The following LRRC66 variants were observed in gnomAD, a reference collection of about 807,000 sequenced individuals.
LRRC66 encodes leucine-rich repeat-containing protein 66.
LRRC66 carries 29 observed loss-of-function variants against 24.6 expected under a neutral mutation model. That is an observed-to-expected ratio of 1.18 (90% CI 0.88 to 1.61). The LOEUF (loss-of-function observed/expected upper bound fraction) is 1.61. Ranked by LOEUF, LRRC66 falls within the 40% of genes most tolerant of loss-of-function variation. The pLI is 0.00. For synonymous variants in LRRC66, 411 were observed against 397.6 expected (o/e 1.03, Z -0.40); for missense variants, 1,124 against 1,058.0 (o/e 1.06, Z -0.87).
intron 3 of LRRC66, among the ~76,000 whole-genome samples, chr4:51,999,592 T>C (rs1736402908): frequency 6.6e-6 from 1 of 152,214 alleles, no homozygotes; most frequent in Admixed American, 6.5e-5. Context: ...TCTAATGTTT[T>C]TTAGGTAATT....
At chr4:51,996,322 C>T (rs1429220455) in intron 4 of LRRC66, among the ~76,000 whole-genome samples, 157 bp from the exon 5 acceptor site, 2 of 152,156 alleles carry the variant, frequency 1.3e-5, no homozygotes, top group Admixed American at 1.3e-4. Context: ...TCATAACTCA[C>T]TGAAGCCTCA....
chr4:52,009,968 T>C (rs1332935909), intron 2 of LRRC66, among the ~76,000 whole-genome samples: 2 of 152,074 alleles, frequency 1.3e-5, no homozygotes, highest in African/African-American at 4.8e-5. Context: ...ATCCAAAATA[T>C]ATAAAAAAGA....
In LRRC66 at chr4:51,997,821, A is replaced by G; in HGVS notation, c.783T>C (p.Ser261=). The G allele has an allele frequency of 6.2e-7, 1 of 1,614,104 alleles. No individual in the cohort carries two copies. Residue 261 remains serine (S), a synonymous_variant, in exon 4 of 5, where the codon AGT becomes AGC. Transcript: ENST00000682860. ...LADNNWQCDD[S]VAVFQNFISE... ...AAATAAAATTTTGAAAGACTGCCAC[A>G]CTATCATCACACTGCCAGTTATTAT...
intron 1 of LRRC66, chr4:52,018,469 G>T: frequency 1.2e-5 from 12 of 985,338 alleles, no homozygotes; most frequent in Non-Finnish European, 1.4e-5. Flanking sequence ...GAGTATATGA[G>T]TTTCCAAGAA....
chr4:51,995,238 G>A lies in LRRC66; in HGVS notation c.1784C>T (p.Ala595Val). The A allele has an allele frequency of 1.9e-6, 3 of 1,614,190 alleles. No individual in the cohort carries two copies. Among genetic ancestry groups the A allele is most frequent in the South Asian group, 1.1e-5 (1 of 91,084 alleles). ...ACTATCTCCAGTCCTCTGTGCTTCT[G>A]CATGTGTTAGCATTTTACAGAGGGA... ...TASLCKMLTH[A>V]EAQRTGDSKE... Residue 595 changes from alanine (A) to valine (V), a missense_variant, in exon 5 of 5, where the codon GCA becomes GTA. Ala to Val is a moderately conservative substitution (Grantham distance 64, BLOSUM62 0). Coordinates refer to ENST00000682860, the MANE Select transcript of LRRC66 (RefSeq NM_001024611.3).
rs1469695662 is a variant in LRRC66 at position 52,017,434 on chromosome 4, C to A, written c.180G>T (p.Gln60His). The A allele has an allele frequency of 1.9e-6, 3 of 1,614,054 alleles. No homozygotes were observed. Reference sequence around the variant, plus strand: ...AACTTACATCCACAGTGGCTGCTGTCTGTGATATGTCCACAGGTATATCAC... The same window carrying A: ...AACTTACATCCACAGTGGCTGCTGTATGTGATATGTCCACAGGTATATCAC... ...GKCDIPVDIS[Q>H]TAATVDVSFN... is the part of the protein sequence containing the mutation. The change falls in exon 2 of 5, where the codon CAG becomes CAT. Residue 60 changes from glutamine (Q) to histidine (H), a missense_variant. Gln to His is a conservative substitution (Grantham distance 24, BLOSUM62 0). Transcript: ENST00000682860.
At position 51,995,459 on chromosome 4, in the gene LRRC66, C is replaced by T. The variant is rs201329659; in HGVS notation, c.1563G>A (p.Met521Ile). 5.2e-5 allele frequency: 84 copies of T among 1,614,056 alleles called. No individual in the cohort carries two copies. The highest frequency in any genetic ancestry group is 1.7e-4 in the Admixed American group (10 of 60,000). Residue 521 changes from methionine to isoleucine, a missense_variant, in exon 5 of 5, where the codon ATG becomes ATA. Transcript: ENST00000682860. The part of the protein sequence containing the change: ...RHPHAGNREL[M>I]SAAQDHIHRN... The stretch of plus-strand genomic sequence containing the variant: ...TATGGATGTGGTCCTGCGCTGCTGA[C>T]ATTAGTTCACGGTTACCGGCATGTG...
At chr4:52,018,651 T>C (rs1212939328) in intron 1 of LRRC66, 2 of 944,384 alleles carry the variant, frequency 2.1e-6, no homozygotes, top group Admixed American at 1.2e-4. Flanking sequence ...GTATTTCCTA[T>C]ATTATTCCTT....
chr4:51,995,033 G>A lies in LRRC66; in HGVS notation c.1989C>T (p.Asp663=). The part of the protein sequence containing the change: ...YSEVPYGDPR[D]TGPSVFPPRW... ...TTGGAGGAAAGACTGATGGGCCTGT[G>A]TCTCTTGGGTCACCGTATGGAACCT... The change falls in exon 5 of 5, where the codon GAC becomes GAT. Residue 663 remains aspartate (D), a synonymous_variant. Transcript: ENST00000682860. The A allele has an allele frequency of 1.2e-6, 2 of 1,614,124 alleles. No individual in the cohort carries two copies. The highest frequency in any genetic ancestry group is 1.7e-6 in the Non-Finnish European group (2 of 1,180,032).
chr4:52,017,391 G>C lies in LRRC66; in HGVS notation c.223C>G (p.Leu75Val). ...VDVSFNFFRV[L>V]LQSHTKKEEW... ...TCTTTTTTCGTGTGAGACTGTAAGA[G>C]AACTCTAAAGAAATTGAAACTTACA... is the stretch of plus-strand genomic sequence containing the variant. Residue 75 changes from leucine (L) to valine (V), a missense_variant, in exon 2 of 5, where the codon CTC (leucine) becomes GTC (valine). Coordinates refer to ENST00000682860, the MANE Select transcript of LRRC66 (RefSeq NM_001024611.3). 6.2e-7 allele frequency: 1 copy of C among 1,614,112 alleles called. No homozygotes were observed.
chr4:52,007,585 G>A (rs1445734447), intron 2 of LRRC66, among the ~76,000 whole-genome samples: 7 of 152,182 alleles, frequency 4.6e-5, no homozygotes, highest in Admixed American at 4.6e-4. Context: ...ATTGAGATAT[G>A]TCTTTGATTA....
In LRRC66 at chr4:52,013,046, C is replaced by T. The variant is rs1052085380; in HGVS notation, c.496+4072G>A. ...CTAGAATGGTCCTGGGTAAGATATT[C>T]GATTCATTAGGTCAGATCTTATTGT... On this transcript the variant is annotated intron_variant, in intron 2 of 4. Transcript: ENST00000682860. Among the ~76,000 whole-genome samples the T allele has an allele frequency of 2.9e-4, 44 of 152,104 alleles. 1 individual carries two copies. Among genetic ancestry groups the T allele is most frequent in the African/African-American group, 1.0e-3 (42 of 41,420 alleles).
intron 3 of LRRC66, 124 bp downstream of exon 3, chr4:52,003,099 C>CTAA: frequency 1.4e-6 from 1 of 728,590 alleles, no homozygotes; most frequent in Non-Finnish European, 2.2e-6. Flanking sequence ...TTAAAATAGA[C>CTAA]TAACAGTTTT....
At chr4:52,001,629 A>G (rs1736449127) in intron 3 of LRRC66, among the ~76,000 whole-genome samples, 1 of 152,232 alleles carries the variant, frequency 6.6e-6, no homozygotes. Flanking sequence ...ATTTTTCAGA[A>G]GAGAAAAGTG....
Position 51,995,152 on chromosome 4 carries a change from T to C in LRRC66, c.1870A>G (p.Arg624Gly). The C allele has an allele frequency of 1.2e-6, 2 of 1,614,222 alleles. No homozygotes were observed. The highest frequency in any genetic ancestry group is 2.2e-5 in the South Asian group (2 of 91,084). The change falls in exon 5 of 5, where the codon AGG (arginine) becomes GGG (glycine). Residue 624 changes from arginine to glycine, a missense_variant. By Grantham distance (125) the Arg-to-Gly change is moderately radical. Coordinates refer to ENST00000682860, the MANE Select transcript of LRRC66 (RefSeq NM_001024611.3). ...AAATCAATGGATGAACTCACTTGCCTTTCCTTAGAAAATTCCATCTGCGAG... is the reference window on the plus strand; with the variant it reads ...AAATCAATGGATGAACTCACTTGCCCTTCCTTAGAAAATTCCATCTGCGAG... The part of the protein sequence containing the change: ...WDSQMEFSKE[R>G]QVSSSIDLLS...
intron 2 of LRRC66, among the ~76,000 whole-genome samples, chr4:52,013,513 T>C (rs1443076011): frequency 3.3e-5 from 5 of 152,234 alleles, no homozygotes; most frequent in Non-Finnish European, 2.9e-5. Flanking sequence ...TCCCATTGTT[T>C]TCATGTTTTT....
chr4:51,999,218 T>A (rs1002002620), intron 3 of LRRC66, among the ~76,000 whole-genome samples: 3 of 152,142 alleles, frequency 2.0e-5, no homozygotes, highest in African/African-American at 7.2e-5. Context: ...AAAAAGAGGA[T>A]GATGAATATA....
intron 1 of LRRC66, chr4:52,018,412 C>A (rs544638249): frequency 2.0e-6 from 2 of 985,170 alleles, no homozygotes; most frequent in East Asian, 1.1e-4. Flanking sequence ...TTGTTTTAAA[C>A]TAAATTCCAC....
At position 51,994,297 on chromosome 4, in the gene LRRC66, T is replaced by G. The variant is rs1736234319; in HGVS notation, c.*82A>C. ...CATGTTGTCTCCTTCAGGATCTTGT[T>G]GTGAAGGCTTTAGTTTTCCCCTGCC... On this transcript the variant is annotated 3_prime_UTR_variant, in exon 5 of 5. Transcript: ENST00000682860. 7.8e-7 allele frequency: 1 copy of G among 1,287,242 alleles called. No homozygotes were observed. The highest frequency in any genetic ancestry group is 1.1e-6 in the Non-Finnish European group (1 of 942,706). 79.7% of individuals were successfully genotyped at this position (1,287,242 alleles called of 1,614,324 possible). A position where few individuals can be genotyped will look rare whatever the true frequency, so the allele number is the denominator to read the frequency against.
Sources: allele counts gnomAD v4.1 joint callset (sites outside exome capture counted in the v4.1 genomes callset), GRCh38; gene constraint gnomAD v4.1.1; transcripts MANE v1.5; gene names NCBI Gene and HGNC (gene_info 2026-07-23, HGNC 2026-07-21).